TBC1D8: variants seen among roughly 807,000 people sequenced by gnomAD.
The protein encoded by TBC1D8 is TBC1 domain family member 8.
Under a neutral mutation model 118.8 loss-of-function variants are expected in TBC1D8, and 65 were observed. The ratio of observed to expected loss-of-function variants is 0.55; its 90% CI spans 0.45 to 0.67. TBC1D8 has a LOEUF of 0.67. Among genes scored for constraint, TBC1D8 ranks in the 30% least tolerant of loss-of-function variants. The pLI, the probability that TBC1D8 is intolerant of heterozygous loss-of-function variation, is 0.00. For synonymous variants in TBC1D8, 566 were observed against 595.8 expected (o/e 0.95, Z 0.73); for missense variants, 1,376 against 1,471.2 (o/e 0.94, Z 1.06).
chr2:101,071,268 C>T (rs988857450), intron 2 of TBC1D8, among the ~76,000 whole-genome samples: 1 of 152,044 alleles, frequency 6.6e-6, no homozygotes, highest in African/African-American at 2.4e-5. Flanking sequence ...TGGTGTGAAC[C>T]CGGGAGGCGG....
chr2:101,065,564 G>T (rs537844778), intron 2 of TBC1D8, among the ~76,000 whole-genome samples: 7 of 152,322 alleles, frequency 4.6e-5, no homozygotes, highest in African/African-American at 1.7e-4. Context: ...TAAGTCGAAA[G>T]CAGTATCTTT....
At chr2:101,038,379 G>T in intron 7 of TBC1D8, 82 bp downstream of exon 7, 1 of 1,454,518 alleles carries the variant, frequency 6.9e-7, no homozygotes, top group Non-Finnish European at 9.4e-7. Context: ...TCCCCACATG[G>T]CTCTCCCCAT....
At chr2:101,122,422 T>C (rs1027083363) in intron 1 of TBC1D8, among the ~76,000 whole-genome samples, 2 of 116,300 alleles carry the variant, frequency 1.7e-5, no homozygotes, top group African/African-American at 3.0e-5. Flanking sequence ...GCATGGATAA[T>C]GCCAGGAAAT....
At chr2:101,106,314 C>T (rs1165851569) in intron 1 of TBC1D8, among the ~76,000 whole-genome samples, 1 of 152,150 alleles carries the variant, frequency 6.6e-6, no homozygotes, top group East Asian at 1.9e-4. Context: ...TTTGTCAAAA[C>T]CCACAGAACT....
intron 1 of TBC1D8, among the ~76,000 whole-genome samples, chr2:101,093,871 A>G (rs572169355): frequency 1.2e-3 from 188 of 152,178 alleles, no homozygotes; most frequent in African/African-American, 4.4e-3. Context: ...CACCACGCCT[A>G]GCTAATTTTT....
chr2:101,081,310 G>T (rs1675246966), intron 2 of TBC1D8, among the ~76,000 whole-genome samples: 1 of 152,140 alleles, frequency 6.6e-6, no homozygotes, highest in Admixed American at 6.5e-5. Context: ...CAGGTAAGGT[G>T]GTCTCCTGAC....
intron 2 of TBC1D8, among the ~76,000 whole-genome samples, chr2:101,082,394 C>T (rs1289103287): frequency 6.6e-6 from 1 of 152,134 alleles, no homozygotes; most frequent in Non-Finnish European, 1.5e-5. Flanking sequence ...ATCAATGCAG[C>T]CAAAAACCGG....
chr2:101,134,662 A>G (rs1394912976), intron 1 of TBC1D8, among the ~76,000 whole-genome samples: 1 of 152,206 alleles, frequency 6.6e-6, no homozygotes, highest in African/African-American at 2.4e-5. Flanking sequence ...ACAGCCCTAT[A>G]GGATCAGGGC....
intron 10 of TBC1D8, 136 bp from the exon 11 acceptor site, chr2:101,032,521 GAC>G: frequency 1.5e-6 from 1 of 676,994 alleles, no homozygotes. Context: ...CAACCACACT[GAC>G]ACTGTACAGT....
chr2:101,089,384 T>G (rs1675857337), intron 2 of TBC1D8, among the ~76,000 whole-genome samples: 1 of 152,086 alleles, frequency 6.6e-6, no homozygotes, highest in South Asian at 2.1e-4. Flanking sequence ...CTTATCCACT[T>G]TTTCATTTCT....
intron 1 of TBC1D8, among the ~76,000 whole-genome samples, chr2:101,105,185 T>C (rs1421661763): frequency 6.6e-6 from 1 of 152,128 alleles, no homozygotes; most frequent in Non-Finnish European, 1.5e-5. Flanking sequence ...AAAGGACACC[T>C]GAGTACCAAA....
intron 1 of TBC1D8, among the ~76,000 whole-genome samples, chr2:101,122,220 C>A (rs1033391021): frequency 6.6e-6 from 1 of 150,714 alleles, no homozygotes; most frequent in Non-Finnish European, 1.5e-5. Context: ...TACAGGTGTG[C>A]GCCACCATAC....
rs534117694 is a variant in TBC1D8 at position 101,007,720 on chromosome 2, G to T, written c.*101C>A. 3.2e-5 allele frequency: 40 copies of T among 1,249,904 alleles called. No homozygotes were observed. In the South Asian group the frequency reaches 3.3e-4, roughly 10 times the overall value. The allele number at this position is 1,249,904 out of a possible 1,614,324, so 77.4% of individuals were successfully genotyped here. ...GGTTGTTTAGCCAGATGCCCCATTGGTAAGGTAGACTGAAATCTCGGTTTA... is the reference window on the plus strand; with the variant it reads ...GGTTGTTTAGCCAGATGCCCCATTGTTAAGGTAGACTGAAATCTCGGTTTA... On this transcript the variant is annotated 3_prime_UTR_variant, in exon 20 of 20. Coordinates refer to ENST00000409318, the MANE Select transcript of TBC1D8 (RefSeq NM_001330348.2).
chr2:101,083,783 T>C (rs1294643823), intron 2 of TBC1D8, among the ~76,000 whole-genome samples: 2 of 152,164 alleles, frequency 1.3e-5, no homozygotes, highest in Non-Finnish European at 2.9e-5. Context: ...ACACTTCTTG[T>C]TTGGGCTTTA....
chr2:101,091,548 G>T (rs552725619), intron 1 of TBC1D8, among the ~76,000 whole-genome samples: 1 of 152,054 alleles, frequency 6.6e-6, no homozygotes, highest in African/African-American at 2.4e-5. Context: ...AATACAGTGA[G>T]ATCTCATCTC....
Position 101,029,527 on chromosome 2 carries a change from C to T in TBC1D8, c.2186G>A (p.Ser729Asn). The T allele has an allele frequency of 6.2e-7, 1 of 1,613,936 alleles. No individual in the cohort carries two copies. The highest frequency in any genetic ancestry group is 8.5e-7 in the Non-Finnish European group (1 of 1,179,880). The change falls in exon 12 of 20, where the codon AGC becomes AAC. Residue 729 changes from serine to asparagine, a missense_variant. Coordinates refer to ENST00000409318, the MANE Select transcript of TBC1D8 (RefSeq NM_001330348.2). ...CATCAAGGCCTGGCCATCATCCTTG[C>T]TGCTGCACAGGTCCTCAGCATTGGC... ...LEANAEDLCS[S>N]KDDGQALMIL...
At chr2:101,045,490 C>A (rs1011662565) in intron 5 of TBC1D8, among the ~76,000 whole-genome samples, 1 of 152,190 alleles carries the variant, frequency 6.6e-6, no homozygotes. Flanking sequence ...AGGCTTAACG[C>A]GTCCCCAAAC....
intron 2 of TBC1D8, among the ~76,000 whole-genome samples, chr2:101,070,345 T>C (rs1186071531): frequency 2.6e-5 from 4 of 151,524 alleles, no homozygotes; most frequent in South Asian, 2.1e-4. Context: ...TTATGTTAAA[T>C]ACTATTAAAT....
intron 17 of TBC1D8, chr2:101,017,821 TACTA>T (rs1679766883): frequency 3.9e-6 from 6 of 1,548,946 alleles, no homozygotes; most frequent in Middle Eastern, 1.7e-4. Context: ...TTCATACTAA[TACTA>T]ACAGTGAAGC....
Sources: allele counts gnomAD v4.1 joint callset (sites outside exome capture counted in the v4.1 genomes callset), GRCh38; gene constraint gnomAD v4.1.1; transcripts MANE v1.5; gene names NCBI Gene and HGNC (gene_info 2026-07-23, HGNC 2026-07-21).